RBFOX1: variants seen among roughly 807,000 people sequenced by gnomAD.
The protein encoded by RBFOX1 is RNA binding fox-1 homolog 1.
RBFOX1 carries 8 observed loss-of-function variants against 57.7 expected under a neutral mutation model. That is an observed-to-expected ratio of 0.14 (90% CI 0.08 to 0.25). RBFOX1 has a LOEUF of 0.25. Ranked by LOEUF, RBFOX1 falls within the 10% of genes least tolerant of loss-of-function variation. RBFOX1 has a pLI of 1.00. For synonymous variants in RBFOX1, 326 were observed against 222.4 expected (o/e 1.47, Z -4.15); for missense variants, 611 against 548.5 (o/e 1.11, Z -1.14).
chr16:7,285,952 C>T (rs72769248), intron 4 of RBFOX1, among the ~76,000 whole-genome samples: 2 of 152,174 alleles, frequency 1.3e-5, no homozygotes, highest in African/African-American at 4.8e-5. Flanking sequence ...GATTTTTAAA[C>T]TGAGTCTCTG....
At chr16:6,006,777 CAA>C (rs2094930006) in intron 4 of RBFOX1, among the ~76,000 whole-genome samples, 1 of 152,108 alleles carries the variant, frequency 6.6e-6, no homozygotes, top group African/African-American at 2.4e-5. Flanking sequence ...CAAGGCCAGA[CAA>C]GAGGCGATAA....
intron 4 of RBFOX1, among the ~76,000 whole-genome samples, chr16:7,322,704 A>T (rs1216213776): frequency 6.6e-6 from 1 of 152,194 alleles, no homozygotes; most frequent in Non-Finnish European, 1.5e-5. Flanking sequence ...GAGGAACCGC[A>T]GTTTCACCCT....
chr16:6,917,023 A>G (rs1205451736), intron 3 of RBFOX1, among the ~76,000 whole-genome samples: 2 of 151,932 alleles, frequency 1.3e-5, no homozygotes, highest in Non-Finnish European at 2.9e-5. Context: ...CTAATTTTGT[A>G]TTTTTAGTAG....
intron 2 of RBFOX1, among the ~76,000 whole-genome samples, chr16:6,458,443 G>A (rs975421487): frequency 6.6e-6 from 1 of 152,220 alleles, no homozygotes; most frequent in Non-Finnish European, 1.5e-5. Context: ...ACTCAAATGA[G>A]AACATTCACG....
At chr16:6,645,957 A>G (rs192866565) in intron 2 of RBFOX1, among the ~76,000 whole-genome samples, 3 of 152,158 alleles carry the variant, frequency 2.0e-5, no homozygotes, top group Admixed American at 1.3e-4. Context: ...TGATTCTGCT[A>G]TCTGTGTGGA....
chr16:6,665,521 A>T (rs896166295), intron 3 of RBFOX1, among the ~76,000 whole-genome samples: 1 of 151,830 alleles, frequency 6.6e-6, no homozygotes, highest in Non-Finnish European at 1.5e-5. Context: ...GCTACTTGGG[A>T]GGCTGAGGTA....
chr16:6,824,148 T>C (rs2154279049), intron 3 of RBFOX1, among the ~76,000 whole-genome samples: 1 of 152,356 alleles, frequency 6.6e-6, no homozygotes, highest in South Asian at 2.1e-4. Context: ...CTGGCGCCTG[T>C]AATCCCAGCA....
chr16:6,765,253 G>C (rs1326638830), intron 3 of RBFOX1, among the ~76,000 whole-genome samples: 1 of 152,132 alleles, frequency 6.6e-6, no homozygotes, highest in African/African-American at 2.4e-5. Context: ...GGCTCCTGCA[G>C]GCCAAGATCT....
chr16:6,013,342 A>G (rs2094973096), intron 4 of RBFOX1, among the ~76,000 whole-genome samples: 1 of 152,206 alleles, frequency 6.6e-6, no homozygotes. Context: ...CTTGAATCTG[A>G]TGAAGCTCAA....
At chr16:6,123,424 G>A (rs867904373) in intron 1 of RBFOX1, among the ~76,000 whole-genome samples, 3 of 152,164 alleles carry the variant, frequency 2.0e-5, no homozygotes, top group African/African-American at 7.2e-5. Flanking sequence ...ATACTATATG[G>A]TTCTACTTCT....
intron 3 of RBFOX1, among the ~76,000 whole-genome samples, chr16:5,816,670 A>G (rs541912278): frequency 1.3e-5 from 2 of 152,172 alleles, no homozygotes; most frequent in East Asian, 1.9e-4. Flanking sequence ...TATAGTCCCA[A>G]CTACTAGGGA....
intron 4 of RBFOX1, among the ~76,000 whole-genome samples, chr16:7,214,047 C>A (rs73541910): frequency 0.11 from 17,240 of 151,640 alleles, 1,132 homozygotes; most frequent in African/African-American, 0.17. Context: ...AGAAACTGGT[C>A]CTTTCTGGAA....
At chr16:5,339,591 T>A (rs2064990121) in intron 1 of RBFOX1, among the ~76,000 whole-genome samples, 1 of 148,146 alleles carries the variant, frequency 6.8e-6, no homozygotes, top group African/African-American at 2.5e-5. Context: ...CAGGTGATTC[T>A]CCTTCCTCAC....
intron 3 of RBFOX1, among the ~76,000 whole-genome samples, chr16:6,808,631 G>T (rs972430530): frequency 8.5e-5 from 13 of 152,092 alleles, no homozygotes; most frequent in Non-Finnish European, 1.2e-4. Flanking sequence ...ATTTTGAATA[G>T]ATAATAGATT....
chr16:6,160,571 C>T (rs781587487), intron 1 of RBFOX1, among the ~76,000 whole-genome samples: 4 of 152,178 alleles, frequency 2.6e-5, no homozygotes, highest in Non-Finnish European at 5.9e-5. Flanking sequence ...CTAGATTCTC[C>T]TCCATCCAGC....
At chr16:6,494,378 G>A (rs1048427546) in intron 2 of RBFOX1, among the ~76,000 whole-genome samples, 2 of 152,122 alleles carry the variant, frequency 1.3e-5, no homozygotes, top group Non-Finnish European at 2.9e-5. Context: ...GCGACCACCT[G>A]CCCCTGTTCT....
At chr16:5,500,700 T>C (rs2043164757) in intron 2 of RBFOX1, among the ~76,000 whole-genome samples, 2 of 152,314 alleles carry the variant, frequency 1.3e-5, no homozygotes, top group South Asian at 4.1e-4. Flanking sequence ...ATGCTTCAGA[T>C]ATGGTCCCGT....
At chr16:5,836,907 T>G (rs2056476127) in intron 3 of RBFOX1, among the ~76,000 whole-genome samples, 1 of 152,170 alleles carries the variant, frequency 6.6e-6, no homozygotes, top group Non-Finnish European at 1.5e-5. Flanking sequence ...TTCTGACTTG[T>G]TTCCTGGTCT....
At chr16:7,157,836 C>T (rs2077460013) in intron 4 of RBFOX1, among the ~76,000 whole-genome samples, 1 of 152,140 alleles carries the variant, frequency 6.6e-6, no homozygotes, top group Non-Finnish European at 1.5e-5. Context: ...AGATAAAAAT[C>T]TGATAGTCTA....
Sources: allele counts gnomAD v4.1 joint callset (sites outside exome capture counted in the v4.1 genomes callset), GRCh38; gene constraint gnomAD v4.1.1; transcripts MANE v1.5; gene names NCBI Gene and HGNC (gene_info 2026-07-23, HGNC 2026-07-21).